ZNF385D: variants seen among roughly 807,000 people sequenced by gnomAD.
The protein encoded by ZNF385D is zinc finger protein 659.
ZNF385D carries 15 observed loss-of-function variants against 35.8 expected under a neutral mutation model. That is an observed-to-expected ratio of 0.42 (90% confidence interval 0.28 to 0.64). ZNF385D has a LOEUF of 0.64. ZNF385D is among the 30% of genes least tolerant of loss of function. The pLI, the probability that ZNF385D is intolerant of heterozygous loss-of-function variation, is 0.23. For missense variants in ZNF385D, 474 were observed against 494.6 expected, an observed-to-expected ratio of 0.96 and a Z score of 0.39; for synonymous variants, 212 against 186.8, an observed-to-expected ratio of 1.13 and a Z score of -1.10.
chr3:21,586,879 T>A (rs2125719386), intron 2 of ZNF385D, among the ~76,000 whole-genome samples: 1 of 152,268 alleles, frequency 6.6e-6, no homozygotes, highest in Admixed American at 6.5e-5. Context: ...AGATATAAGT[T>A]AAGTACTTGG....
At chr3:22,254,596 G>T (rs145426274) in intron 2 of ZNF385D, among the ~76,000 whole-genome samples, 1 of 151,586 alleles carries the variant, frequency 6.6e-6, no homozygotes, top group Non-Finnish European at 1.5e-5. Context: ...GCCCTCAGTG[G>T]ATACCTGAAA....
At chr3:21,690,077 TA>T (rs567526845) in intron 1 of ZNF385D, among the ~76,000 whole-genome samples, 2 of 152,144 alleles carry the variant, frequency 1.3e-5, no homozygotes, top group Non-Finnish European at 2.9e-5. Context: ...ATTCTAGCCG[TA>T]AAATGTGTAT....
chr3:22,289,037 G>GT (rs1023724266), intron 2 of ZNF385D, among the ~76,000 whole-genome samples: 2 of 152,146 alleles, frequency 1.3e-5, no homozygotes, highest in African/African-American at 4.8e-5. Context: ...AGCTGGAAAG[G>GT]TTGGGGTGTT....
intron 2 of ZNF385D, among the ~76,000 whole-genome samples, chr3:21,601,242 A>G (rs1299584391): frequency 6.6e-6 from 1 of 152,178 alleles, no homozygotes; most frequent in African/African-American, 2.4e-5. Context: ...CCAGTTCCTC[A>G]AAAGATTTCT....
intron 2 of ZNF385D, among the ~76,000 whole-genome samples, chr3:22,199,743 T>C (rs913931380): frequency 6.6e-6 from 1 of 152,066 alleles, no homozygotes; most frequent in African/African-American, 2.4e-5. Flanking sequence ...TAAATCTAAA[T>C]GAGGTATGGC....
chr3:21,455,290 C>A (rs1702726787), intron 4 of ZNF385D, among the ~76,000 whole-genome samples: 1 of 152,112 alleles, frequency 6.6e-6, no homozygotes, highest in Non-Finnish European at 1.5e-5. Context: ...CAATCCTAAG[C>A]CAAAAGAACA....
chr3:21,485,837 A>G (rs1704990852), intron 4 of ZNF385D, among the ~76,000 whole-genome samples: 1 of 152,116 alleles, frequency 6.6e-6, no homozygotes, highest in African/African-American at 2.4e-5. Flanking sequence ...CTGAGATTAG[A>G]AACCTAATGT....
In ZNF385D at chr3:22,148,424, C is replaced by T. The variant is rs1705001729; in HGVS notation, c.325+20393G>A. Among the ~76,000 whole-genome samples, 4 of 152,292 alleles carry T rather than the reference C, an allele frequency of 2.6e-5. No homozygotes were observed. In the South Asian group the frequency reaches 8.3e-4, roughly 32 times the overall value. Reference sequence around the variant, plus strand: ...CCAGATTCTTCTATTAAACTGTAGACCATATTTTTAATCCATTCATGGAAA... The same window carrying T: ...CCAGATTCTTCTATTAAACTGTAGATCATATTTTTAATCCATTCATGGAAA... On this transcript the variant is annotated intron_variant, in intron 3 of 5. Coordinates refer to the ZNF385D transcript ENST00000494108.
At chr3:21,521,863 C>CTT (rs1707929676) in intron 3 of ZNF385D, among the ~76,000 whole-genome samples, 1 of 152,004 alleles carries the variant, frequency 6.6e-6, no homozygotes. Context: ...GTTAATCTTC[C>CTT]AGCTACATAA....
At chr3:21,956,973 G>A (rs1486332) in intron 3 of ZNF385D, among the ~76,000 whole-genome samples, 103,418 of 151,562 alleles carry the variant, frequency 0.68, 36,421 homozygotes, top group Non-Finnish European at 0.77. Context: ...GAATTCCGAC[G>A]TGTTGTGGGA....
chr3:22,346,328 G>A (rs78379059), intron 2 of ZNF385D, among the ~76,000 whole-genome samples: 7,050 of 151,984 alleles, frequency 0.046, 510 homozygotes, highest in African/African-American at 0.16. Flanking sequence ...ATCTGTTGGG[G>A]AAAAAAAGGC....
chr3:22,370,447 T>C (rs1283867552), intron 2 of ZNF385D, among the ~76,000 whole-genome samples: 2 of 152,204 alleles, frequency 1.3e-5, no homozygotes, highest in Non-Finnish European at 2.9e-5. Context: ...TGCCACACAA[T>C]TTTTATTTTA....
At chr3:22,019,900 T>A (rs1177269762) in intron 3 of ZNF385D, among the ~76,000 whole-genome samples, 2 of 151,948 alleles carry the variant, frequency 1.3e-5, no homozygotes, top group African/African-American at 4.8e-5. Flanking sequence ...TATACCTAGT[T>A]CACTTATTTA....
intron 3 of ZNF385D, among the ~76,000 whole-genome samples, chr3:21,915,398 T>C (rs1700145979): frequency 6.6e-6 from 1 of 152,172 alleles, no homozygotes; most frequent in African/African-American, 2.4e-5. Context: ...GCATGAACCA[T>C]TTAATAGCAT....
At chr3:22,067,961 C>T (rs973673441) in intron 3 of ZNF385D, among the ~76,000 whole-genome samples, 3 of 151,660 alleles carry the variant, frequency 2.0e-5, no homozygotes, top group Non-Finnish European at 2.9e-5. Flanking sequence ...TGCAGTGAGC[C>T]GAGATCACGC....
intron 3 of ZNF385D, among the ~76,000 whole-genome samples, chr3:22,152,895 C>G (rs1321575939): frequency 6.6e-6 from 1 of 152,128 alleles, no homozygotes; most frequent in Non-Finnish European, 1.5e-5. Flanking sequence ...ATTGGCCACA[C>G]TTACAACCAG....
intron 3 of ZNF385D, among the ~76,000 whole-genome samples, chr3:22,099,555 C>T (rs1467646000): frequency 6.6e-6 from 1 of 152,042 alleles, no homozygotes; most frequent in African/African-American, 2.4e-5. Context: ...GTGGCTGAGA[C>T]ACAAGTGCTC....
chr3:21,497,430 T>C (rs1398748737), intron 4 of ZNF385D, among the ~76,000 whole-genome samples: 1 of 152,200 alleles, frequency 6.6e-6, no homozygotes, highest in East Asian at 1.9e-4. Context: ...TCCATGCTCA[T>C]GGATAGAAAG....
At chr3:21,427,369 G>A (rs1186472656) in intron 5 of ZNF385D, among the ~76,000 whole-genome samples, 3 of 152,290 alleles carry the variant, frequency 2.0e-5, no homozygotes, top group Admixed American at 6.5e-5. Flanking sequence ...GTTAGTTGGA[G>A]ATTGACTCTC....
Sources: gnomAD v4.1 joint callset for allele counts (sites outside exome capture counted in the v4.1 genomes callset) on GRCh38, gnomAD v4.1.1 for gene constraint, MANE v1.5 for transcripts, NCBI Gene and HGNC (gene_info 2026-07-23, HGNC 2026-07-21) for gene names.